Variants in ATP11A observed in about 807,000 individuals in gnomAD.
The protein encoded by ATP11A is phospholipid-transporting ATPase IH.
A neutral mutation model predicts 154.4 loss-of-function variants in ATP11A; 81 were observed. The ratio of observed to expected loss-of-function variants is 0.52; its 90% CI spans 0.44 to 0.63. The LOEUF is 0.63. ATP11A is among the 30% of genes least tolerant of loss of function. The probability of loss-of-function intolerance (pLI) is 0.00; values close to 1 mark genes in which losing one functional copy is unlikely to be tolerated. For missense variants in ATP11A, 1,316 were observed against 1,474.3 expected (o/e 0.89, Z 1.76); for synonymous variants, 623 against 585.9 (o/e 1.06, Z -0.91).
At chr13:112,841,259 G>A (rs1442135515) in intron 16 of ATP11A, among the ~76,000 whole-genome samples, 1 of 147,578 alleles carries the variant, frequency 6.8e-6, no homozygotes. Flanking sequence ...AGGGGGCTCT[G>A]TGTGTCGGGA....
chr13:112,725,037 C>T (rs1320405174), intron 1 of ATP11A, among the ~76,000 whole-genome samples: 1 of 152,146 alleles, frequency 6.6e-6, no homozygotes, highest in African/African-American at 2.4e-5. Flanking sequence ...GTCTGTGGGC[C>T]CGGTGTGGGA....
At chr13:112,781,953 A>G (rs566483497) in intron 1 of ATP11A, among the ~76,000 whole-genome samples, 7 of 152,168 alleles carry the variant, frequency 4.6e-5, no homozygotes, top group South Asian at 2.1e-4. Context: ...TCCTGTTCCA[A>G]TCTGGTGTCT....
chr13:112,878,104 G>A (rs1422643388), intron 28 of ATP11A, 113 bp from the exon 29 acceptor site: 24 of 1,009,396 alleles, frequency 2.4e-5, no homozygotes, highest in Non-Finnish European at 3.4e-5. Flanking sequence ...ACTCAGCTCT[G>A]TCTCTTGTTT....
chr13:112,826,834 G>C lies in ATP11A; in HGVS notation c.1164G>C (p.Glu388Asp). Residue 388 changes from glutamate (E) to aspartate (D), a missense_variant, in exon 12 of 30, where the codon GAG becomes GAC. By Grantham distance (45) the Glu-to-Asp change is conservative. Around this residue, in one of 5 missense-constraint regions of ATP11A, gnomAD observed 876 missense variants for 1,006.8 expected, o/e 0.87. Transcript: ENST00000375645. Reference sequence around the variant, plus strand: ...CCTGGGACGAAGACATGTTTGACGAGGAGACTGGCGAGGGGCCTCTGGTGA... The same window carrying C: ...CCTGGGACGAAGACATGTTTGACGACGAGACTGGCGAGGGGCCTCTGGTGA... ...FITWDEDMFD[E>D]ETGEGPLVNT... 6.2e-7 allele frequency: 1 copy of C among 1,614,190 alleles called. No individual in the cohort carries two copies. The highest frequency in any genetic ancestry group is 8.5e-7 in the Non-Finnish European group (1 of 1,180,042).
At position 112,851,169 on chromosome 13, in the gene ATP11A, C is replaced by A. The variant is rs768608138; in HGVS notation, c.1942C>A (p.Gln648Lys). The A allele has an allele frequency of 3.4e-5, 55 of 1,614,034 alleles. No homozygotes were observed. The South Asian group carries it at 5.8e-4, about 17-fold the overall frequency. ...GAAAAAGTTAGCAGAAGCCTATGAG[C>A]AAATAGAGAAAGATCTTACTCTGCT... ...REKKLAEAYE[Q>K]IEKDLTLLGA... The change falls in exon 18 of 30, where the codon CAA (glutamine) becomes AAA (lysine). Residue 648 changes from glutamine (Q) to lysine (K), a missense_variant. By Grantham distance (53) the Gln-to-Lys change is moderately conservative. Transcript: ENST00000375645.
At chr13:112,750,517 G>C (rs568678703) in intron 1 of ATP11A, among the ~76,000 whole-genome samples, 10 of 74,690 alleles carry the variant, frequency 1.3e-4, no homozygotes, top group African/African-American at 7.3e-4. Flanking sequence ...ATCCTCCCAC[G>C]TGGGGACACG....
At chr13:112,791,979 G>A (rs2077872210) in intron 2 of ATP11A, among the ~76,000 whole-genome samples, 1 of 152,166 alleles carries the variant, frequency 6.6e-6, no homozygotes, top group African/African-American at 2.4e-5. Context: ...AGGGTGTGGC[G>A]GGGCCAGGAG....
At chr13:112,869,393 C>G (rs7982121) in intron 25 of ATP11A, among the ~76,000 whole-genome samples, 74 of 152,198 alleles carry the variant, frequency 4.9e-4, no homozygotes, top group African/African-American at 1.7e-3. Flanking sequence ...GCCATTACCC[C>G]CTAAACCCAG....
chr13:112,854,636 T>C, intron 19 of ATP11A, 106 bp downstream of exon 19: 4 of 1,358,300 alleles, frequency 2.9e-6, no homozygotes, highest in Non-Finnish European at 4.0e-6. Flanking sequence ...CTACTGGGAA[T>C]TCGGTTCTCC....
chr13:112,735,936 C>G (rs1890958270), intron 1 of ATP11A, among the ~76,000 whole-genome samples: 1 of 152,194 alleles, frequency 6.6e-6, no homozygotes, highest in African/African-American at 2.4e-5. Flanking sequence ...GCATGCTCTG[C>G]TGCCGGGCCA....
chr13:112,739,498 G>C (rs1341210910), intron 1 of ATP11A, among the ~76,000 whole-genome samples: 1 of 152,252 alleles, frequency 6.6e-6, no homozygotes, highest in African/African-American at 2.4e-5. Context: ...AGAGGAGTTG[G>C]AAGTCTTGTG....
At chr13:112,705,042 A>G (rs1169223615) in intron 1 of ATP11A, among the ~76,000 whole-genome samples, 1 of 152,210 alleles carries the variant, frequency 6.6e-6, no homozygotes, top group African/African-American at 2.4e-5. Flanking sequence ...TTTTCTCTCT[A>G]GAAAGTGCAG....
intron 2 of ATP11A, among the ~76,000 whole-genome samples, chr13:112,801,690 C>T (rs1209116707): frequency 6.6e-6 from 1 of 152,106 alleles, no homozygotes; most frequent in Non-Finnish European, 1.5e-5. Flanking sequence ...ACATTTAACC[C>T]CCCCACCCAC....
intron 11 of ATP11A, 47 bp from the exon 12 acceptor site, chr13:112,826,647 C>A: frequency 1.3e-6 from 2 of 1,516,032 alleles, no homozygotes; most frequent in Non-Finnish European, 9.2e-7. Flanking sequence ...TGGAGGCCTG[C>A]TGTCCCTCCT....
intron 19 of ATP11A, 114 bp downstream of exon 19, chr13:112,854,644 TC>T: frequency 7.8e-7 from 1 of 1,278,616 alleles, no homozygotes; most frequent in Non-Finnish European, 1.1e-6. Context: ...AATTCGGTTC[TC>T]CCCTGGGGCA....
At chr13:112,845,655 T>G (rs74422652) in intron 17 of ATP11A, among the ~76,000 whole-genome samples, 1 of 56,938 alleles carries the variant, frequency 1.8e-5, no homozygotes, top group Non-Finnish European at 3.1e-5. Flanking sequence ...AGCGGTACTA[T>G]TCAGTCCAGT....
Position 112,832,894 on chromosome 13 carries a change from T to A in ATP11A, c.1430T>A (p.Leu477His). Residue 477 changes from leucine to histidine, a missense_variant, in exon 14 of 30, where the codon CTC (leucine) becomes CAC (histidine). This residue lies in a region of ATP11A where 876 missense variants were observed against 1,006.8 expected (regional missense o/e 0.87). Coordinates refer to ENST00000375645, the MANE Select transcript of ATP11A (RefSeq NM_015205.3). Reference protein sequence around the residue: ...REELFFRALCLCHTVQVKDDD... With the variant: ...REELFFRALCHCHTVQVKDDD... ...GAGCTGTTTTTCCGGGCCCTCTGTC[T>A]CTGCCACACCGTCCAGGTGAAAGAC... 1.2e-6 allele frequency: 2 copies of A among 1,614,048 alleles called. No homozygotes were observed. The highest frequency in any genetic ancestry group is 1.7e-6 in the Non-Finnish European group (2 of 1,179,954).
chr13:112,832,687 C>T (rs1048789131), intron 13 of ATP11A, among the ~76,000 whole-genome samples, 173 bp from the exon 14 acceptor site: 4 of 152,198 alleles, frequency 2.6e-5, no homozygotes, highest in African/African-American at 4.8e-5. Flanking sequence ...TGCTTGAGAA[C>T]GATGGAAAGC....
In ATP11A at chr13:112,787,504, C is replaced by T. The variant is rs1476885616; in HGVS notation, c.162+2247C>T. ...TTAATTCACACCGGGTGTCCTGATG[C>T]GTAGACTCCTGTGGATACCTACTTA... On this transcript the variant is annotated intron_variant, in intron 2 of 29. Transcript: ENST00000375645. Among the ~76,000 whole-genome samples, 140 of 83,596 alleles carry T rather than the reference C, an allele frequency of 1.7e-3. 4 individuals carry two copies. Among genetic ancestry groups the T allele is most frequent in the Non-Finnish European group, 1.2e-3 (55 of 47,066 alleles). The allele number at this position is 83,596 out of a possible 152,430, so 54.8% of individuals were successfully genotyped here. A position where few individuals can be genotyped will look rare whatever the true frequency, so the allele number is the denominator to read the frequency against.
Sources: allele counts gnomAD v4.1 joint callset (sites outside exome capture counted in the v4.1 genomes callset), GRCh38; gene constraint gnomAD v4.1.1; regional missense constraint gnomAD v4.1.1; transcripts MANE v1.5; gene names NCBI Gene and HGNC (gene_info 2026-07-23, HGNC 2026-07-21).